FARS2: variants seen among roughly 807,000 people sequenced by gnomAD.
FARS2 encodes phenylalanine--tRNA ligase, mitochondrial.
FARS2 carries 40 observed loss-of-function variants against 46.4 expected under a neutral mutation model. The observed-to-expected ratio is 0.86, with a 90% CI of 0.67 to 1.12. The LOEUF is 1.12. FARS2 is among the 50% of genes most tolerant of loss of function. The probability of loss-of-function intolerance (pLI) is 0.00; values close to 1 mark genes in which losing one functional copy is unlikely to be tolerated. For missense variants in FARS2, 513 were observed against 567.9 expected (o/e 0.90, Z 0.98); for synonymous variants, 234 against 214.9 (o/e 1.09, Z -0.78).
intron 6 of FARS2, among the ~76,000 whole-genome samples, chr6:5,670,181 T>A (rs1176053857): frequency 6.6e-6 from 1 of 152,182 alleles, no homozygotes; most frequent in Non-Finnish European, 1.5e-5. Flanking sequence ...AGTGCGCAAG[T>A]ATACAGAGGA....
chr6:5,675,799 G>A (rs1447853347), intron 6 of FARS2, among the ~76,000 whole-genome samples: 1 of 152,134 alleles, frequency 6.6e-6, no homozygotes, highest in South Asian at 2.1e-4. Flanking sequence ...AAGACACATC[G>A]TTTTCATTGT....
At chr6:5,437,031 C>T (rs1004177246) in intron 4 of FARS2, among the ~76,000 whole-genome samples, 33 of 152,166 alleles carry the variant, frequency 2.2e-4, no homozygotes, top group African/African-American at 8.0e-4. Context: ...TCATTCCCAA[C>T]TGTTTCTCAT....
At chr6:5,336,067 C>T (rs1307303223) in intron 1 of FARS2, among the ~76,000 whole-genome samples, 1 of 152,122 alleles carries the variant, frequency 6.6e-6, no homozygotes, top group South Asian at 2.1e-4. Context: ...TTCTTCAGCA[C>T]AGAGCTCTCT....
rs1350837811 is a variant in FARS2 at position 5,584,303 on chromosome 6, C to T, written c.1066-28866C>T. Among the ~76,000 whole-genome samples the T allele has an allele frequency of 2.0e-5, 3 of 152,250 alleles. No homozygotes were observed. The East Asian group carries it at 5.8e-4, about 29-fold the overall frequency. ...ATCAAATGTGTATGATTAAAAACAG[C>T]AGAATTGCTAGATTCCCTTAAAGAA... On this transcript the variant is annotated intron_variant, in intron 5 of 6. Coordinates refer to ENST00000274680, the MANE Select transcript of FARS2 (RefSeq NM_006567.5).
In FARS2 at chr6:5,609,815, A is replaced by G. The variant is rs531496564; in HGVS notation, c.1066-3354A>G. 4 of 1,187,474 alleles carry G rather than the reference A, an allele frequency of 3.4e-6. 1 individual carries two copies. In the South Asian group the frequency reaches 4.8e-5, roughly 14 times the overall value. 73.6% of individuals were successfully genotyped at this position (1,187,474 alleles called of 1,614,324 possible). A position where few individuals can be genotyped will look rare whatever the true frequency, so the allele number is the denominator to read the frequency against. On this transcript the variant is annotated intron_variant, in intron 5 of 6. Coordinates refer to ENST00000274680, the MANE Select transcript of FARS2 (RefSeq NM_006567.5). ...CACTTCAGTTTTTCCAAACTGTTCA[A>G]AATAATCTCTTCAAAATAATCTCTT...
intron 6 of FARS2, among the ~76,000 whole-genome samples, chr6:5,618,548 G>A (rs1321199848): frequency 6.6e-6 from 1 of 152,178 alleles, no homozygotes; most frequent in African/African-American, 2.4e-5. Context: ...ATCCCAAGAT[G>A]TTTCAGGGAG....
At chr6:5,320,720 A>G (rs1053846832) in intron 1 of FARS2, among the ~76,000 whole-genome samples, 5 of 152,200 alleles carry the variant, frequency 3.3e-5, no homozygotes, top group African/African-American at 1.2e-4. Flanking sequence ...TTGTTAGTTC[A>G]TTTAAGCTGC....
rs187209858 is a variant in FARS2 at position 5,552,362 on chromosome 6, G to A, written c.1065+7022G>A. 7.9e-5 allele frequency among the ~76,000 whole-genome samples: 12 copies of A among 152,304 alleles called. 1 individual carries two copies. The highest frequency in any genetic ancestry group is 2.9e-4 in the African/African-American group (12 of 41,552). ...GCAGCTATGAACTTGTGGATCCCCT[G>A]GCCAGGAAACTCTGGAAGCCATTTG... On this transcript the variant is annotated intron_variant, in intron 5 of 6. Transcript: ENST00000274680.
intron 1 of FARS2, among the ~76,000 whole-genome samples, chr6:5,327,137 T>C (rs1012524408): frequency 6.6e-6 from 1 of 152,206 alleles, no homozygotes; most frequent in African/African-American, 2.4e-5. Flanking sequence ...TTCATAACTT[T>C]TGGCTGAATC....
At chr6:5,750,481 T>C (rs1049738331) in intron 6 of FARS2, among the ~76,000 whole-genome samples, 3 of 152,092 alleles carry the variant, frequency 2.0e-5, no homozygotes, top group African/African-American at 7.2e-5. Context: ...AGGCAAGAGA[T>C]AAACAAGACG....
chr6:5,677,192 A>G (rs1190147450), intron 6 of FARS2, among the ~76,000 whole-genome samples: 7 of 152,182 alleles, frequency 4.6e-5, no homozygotes, highest in African/African-American at 1.7e-4. Context: ...TGAGCAAACC[A>G]TGTGTCTTGC....
At chr6:5,676,663 A>G (rs1391364021) in intron 6 of FARS2, among the ~76,000 whole-genome samples, 1 of 152,260 alleles carries the variant, frequency 6.6e-6, no homozygotes, top group Admixed American at 6.5e-5. Flanking sequence ...ATCTGAAGTC[A>G]TATTTCTGAA....
At chr6:5,298,422 T>G (rs1467013725) in intron 1 of FARS2, among the ~76,000 whole-genome samples, 1 of 152,196 alleles carries the variant, frequency 6.6e-6, no homozygotes, top group Non-Finnish European at 1.5e-5. Flanking sequence ...GCTGGTGGTT[T>G]TAGACAAACA....
chr6:5,416,263 T>C (rs138304423), intron 3 of FARS2, among the ~76,000 whole-genome samples: 2,220 of 152,358 alleles, frequency 0.015, 24 homozygotes, highest in Middle Eastern at 0.027. Flanking sequence ...AGAAGTTTTA[T>C]AGTTTTCAGT....
At chr6:5,575,774 A>G (rs1186203232) in intron 5 of FARS2, among the ~76,000 whole-genome samples, 2 of 152,242 alleles carry the variant, frequency 1.3e-5, no homozygotes, top group African/African-American at 4.8e-5. Flanking sequence ...ACAGGTCAAC[A>G]TAGTAGAATG....
At chr6:5,552,892 G>A (rs999464230) in intron 5 of FARS2, among the ~76,000 whole-genome samples, 5 of 152,268 alleles carry the variant, frequency 3.3e-5, no homozygotes, top group African/African-American at 1.2e-4. Context: ...CAACTCCCCT[G>A]AAGCAAAATT....
chr6:5,435,319 G>A (rs1435488877), intron 4 of FARS2, among the ~76,000 whole-genome samples: 1 of 152,252 alleles, frequency 6.6e-6, no homozygotes, highest in Non-Finnish European at 1.5e-5. Flanking sequence ...ATGCCACCAT[G>A]TGTGTTCTCT....
intron 6 of FARS2, among the ~76,000 whole-genome samples, chr6:5,692,023 T>C (rs1318936816): frequency 6.6e-6 from 1 of 152,202 alleles, no homozygotes; most frequent in African/African-American, 2.4e-5. Flanking sequence ...TGCTGTTTGC[T>C]AAGACCACTG....
chr6:5,485,724 T>C (rs1766736197), intron 4 of FARS2, among the ~76,000 whole-genome samples: 1 of 152,220 alleles, frequency 6.6e-6, no homozygotes, highest in Non-Finnish European at 1.5e-5. Context: ...ACTGGACACA[T>C]TTGACCTGCA....
Sources: gnomAD v4.1 joint callset for allele counts (sites outside exome capture counted in the v4.1 genomes callset) on GRCh38, gnomAD v4.1.1 for gene constraint, MANE v1.5 for transcripts, NCBI Gene and HGNC (gene_info 2026-07-23, HGNC 2026-07-21) for gene names.